CACNA2D3: variants seen among roughly 807,000 people sequenced by gnomAD.
The protein encoded by CACNA2D3 is voltage-dependent calcium channel subunit alpha-2/delta-3.
Under a neutral mutation model 160.6 loss-of-function variants are expected in CACNA2D3, and 60 were observed. That is an observed-to-expected ratio of 0.37 (90% CI 0.30 to 0.46). The LOEUF (loss-of-function observed/expected upper bound fraction) is 0.46, where lower values mean the gene tolerates loss of function less well. CACNA2D3 is among the 20% of genes least tolerant of loss of function. The pLI is 1.00. For synonymous variants in CACNA2D3, 558 were observed against 492.9 expected, an observed-to-expected ratio of 1.13 and a Z score of -1.75; for missense variants, 1,205 against 1,365.0, an observed-to-expected ratio of 0.88 and a Z score of 1.85.
intron 17 of CACNA2D3, among the ~76,000 whole-genome samples, chr3:54,855,258 C>T (rs548287391): frequency 6.6e-4 from 100 of 152,238 alleles, no homozygotes; most frequent in African/African-American, 2.3e-3. Context: ...ACTGGCTGCA[C>T]CCCCTCTAAA....
intron 9 of CACNA2D3, among the ~76,000 whole-genome samples, chr3:54,584,018 C>T (rs918716760): frequency 6.6e-6 from 1 of 151,994 alleles, no homozygotes; most frequent in Non-Finnish European, 1.5e-5. Context: ...AACAACCAAT[C>T]CTACATGGTT....
In CACNA2D3 at chr3:55,074,173, G is replaced by C; in HGVS notation, c.3243G>C (p.Leu1081=). 1.2e-6 allele frequency: 2 copies of C among 1,613,774 alleles called. No individual in the cohort carries two copies. Among genetic ancestry groups the C allele is most frequent in the Non-Finnish European group, 1.7e-6 (2 of 1,179,724 alleles). ...TCCAAGCCCAGACAGTCCTCCTTCT[G>C]CTCCCTCTGCTTTTGATGCTCTTCT... The part of the protein sequence containing the change: ...PSLQAQTVLL[L]LPLLLMLFSR The change falls in exon 38 of 38, where the codon CTG becomes CTC. Residue 1081 remains leucine, a synonymous_variant. Transcript: ENST00000474759.
intron 3 of CACNA2D3, among the ~76,000 whole-genome samples, chr3:54,350,768 T>C (rs1252019572): frequency 1.3e-5 from 2 of 152,118 alleles, no homozygotes; most frequent in Non-Finnish European, 2.9e-5. Flanking sequence ...GTGAATTTTG[T>C]GGGACATGTG....
At chr3:54,933,113 CTTCTTTCT>C (rs1448193477) in intron 27 of CACNA2D3, among the ~76,000 whole-genome samples, 77 of 104,294 alleles carry the variant, frequency 7.4e-4, no homozygotes, top group Non-Finnish European at 1.3e-3. Flanking sequence ...TCCTTCCTTC[CTTCTTTCT>C]GGACCTCTGC....
intron 35 of CACNA2D3, among the ~76,000 whole-genome samples, chr3:55,021,599 TTATA>T (rs56044949): frequency 4.9e-5 from 7 of 141,786 alleles, no homozygotes; most frequent in African/African-American, 1.3e-4. Flanking sequence ...CATCTCTAAA[TTATA>T]TATATATATA....
At chr3:54,575,293 A>C (rs1047561491) in intron 8 of CACNA2D3, among the ~76,000 whole-genome samples, 4 of 151,834 alleles carry the variant, frequency 2.6e-5, no homozygotes, top group Non-Finnish European at 4.4e-5. Flanking sequence ...ATTTAATTCT[A>C]TGGGTTTTTT....
At chr3:54,459,259 T>A (rs1700455395) in intron 4 of CACNA2D3, among the ~76,000 whole-genome samples, 1 of 151,272 alleles carries the variant, frequency 6.6e-6, no homozygotes. Flanking sequence ...TATAGCAGCA[T>A]GATTTATAGT....
chr3:54,763,701 ATATG>A (rs1702133572), intron 12 of CACNA2D3, among the ~76,000 whole-genome samples: 1 of 138,914 alleles, frequency 7.2e-6, no homozygotes, highest in African/African-American at 2.6e-5. Context: ...ATATATGTAT[ATATG>A]TATATATATG....
At chr3:54,345,625 G>C (rs1451954995) in intron 3 of CACNA2D3, among the ~76,000 whole-genome samples, 1 of 152,066 alleles carries the variant, frequency 6.6e-6, no homozygotes, top group Non-Finnish European at 1.5e-5. Flanking sequence ...CAATTAAGAG[G>C]CATCAAGGAG....
At chr3:54,470,892 A>G (rs1700718343) in intron 4 of CACNA2D3, among the ~76,000 whole-genome samples, 1 of 152,220 alleles carries the variant, frequency 6.6e-6, no homozygotes, top group African/African-American at 2.4e-5. Context: ...CACCCAATAC[A>G]GGAGCATTTA....
chr3:54,739,536 A>C (rs1365643914), intron 11 of CACNA2D3, among the ~76,000 whole-genome samples: 1 of 151,898 alleles, frequency 6.6e-6, no homozygotes, highest in East Asian at 1.9e-4. Context: ...TGGGGAAGAC[A>C]TTGGGATTCT....
intron 3 of CACNA2D3, among the ~76,000 whole-genome samples, chr3:54,338,754 C>G (rs1289321718): frequency 6.6e-6 from 1 of 152,132 alleles, no homozygotes; most frequent in Non-Finnish European, 1.5e-5. Flanking sequence ...TCATTTCTGT[C>G]TCTGAGCTTC....
In CACNA2D3 at chr3:54,211,382, A is replaced by G. The variant is rs201773763; in HGVS notation, c.204+87788A>G. 1.2e-4 allele frequency among the ~76,000 whole-genome samples: 19 copies of G among 152,336 alleles called. No individual in the cohort carries two copies. In the East Asian group the frequency reaches 3.7e-3, roughly 29 times the overall value. ...AGACTTGTCTTGTGCTCTTATCCAC[A>G]GTGCCGCCATGAATACCCTGCACAT... On this transcript the variant is annotated intron_variant, in intron 2 of 37. Transcript: ENST00000474759.
intron 16 of CACNA2D3, among the ~76,000 whole-genome samples, chr3:54,838,935 G>T (rs1484827866): frequency 2.0e-5 from 3 of 152,084 alleles, no homozygotes; most frequent in Admixed American, 2.0e-4. Context: ...ATACACACAG[G>T]ATATCAACAT....
At chr3:54,664,294 G>A (rs1387045242) in intron 11 of CACNA2D3, among the ~76,000 whole-genome samples, 1 of 152,190 alleles carries the variant, frequency 6.6e-6, no homozygotes, top group Non-Finnish European at 1.5e-5. Flanking sequence ...TTGGACAGTG[G>A]GTTTACCACC....
At chr3:54,687,121 C>CTTT (rs757838355) in intron 11 of CACNA2D3, among the ~76,000 whole-genome samples, 3,462 of 93,942 alleles carry the variant, frequency 0.037, 274 homozygotes, top group East Asian at 0.065. Flanking sequence ...TTTTCTTTTT[C>CTTT]TTTTTTTTTT....
chr3:54,226,494 G>A (rs745506679), intron 2 of CACNA2D3, among the ~76,000 whole-genome samples: 17 of 151,914 alleles, frequency 1.1e-4, no homozygotes, highest in South Asian at 2.1e-4. Flanking sequence ...TTGAGACAAG[G>A]GTCTTGATAT....
intron 2 of CACNA2D3, among the ~76,000 whole-genome samples, chr3:54,215,590 G>C (rs1285729305): frequency 6.6e-6 from 1 of 151,840 alleles, no homozygotes; most frequent in Non-Finnish European, 1.5e-5. Context: ...CATTGCCCAG[G>C]AAATGTTCTC....
chr3:54,454,087 A>G, intron 4 of CACNA2D3, among the ~76,000 whole-genome samples: 1 of 152,196 alleles, frequency 6.6e-6, no homozygotes, highest in East Asian at 1.9e-4. Context: ...CAGTACTAAC[A>G]GTCCTATGAA....
Sources: allele counts gnomAD v4.1 joint callset (sites outside exome capture counted in the v4.1 genomes callset), GRCh38; gene constraint gnomAD v4.1.1; transcripts MANE v1.5; gene names NCBI Gene and HGNC (gene_info 2026-07-23, HGNC 2026-07-21).